Variants in SYNRG observed in about 807,000 individuals in gnomAD.
SYNRG encodes the protein AP1 gamma subunit binding protein 1.
Under a neutral mutation model 130.9 loss-of-function variants are expected in SYNRG, and 37 were observed. The ratio of observed to expected loss-of-function variants is 0.28; its 90% CI spans 0.22 to 0.37. SYNRG has a LOEUF of 0.37. Among genes scored for constraint, SYNRG ranks in the 10% least tolerant of loss-of-function variants. SYNRG has a pLI of 1.00. For synonymous variants in SYNRG, 539 were observed against 568.1 expected, an observed-to-expected ratio of 0.95 and a Z score of 0.73; for missense variants, 1,338 against 1,588.9, an observed-to-expected ratio of 0.84 and a Z score of 2.68.
At chr17:37,537,982 C>T (rs1038204899) in intron 18 of SYNRG, among the ~76,000 whole-genome samples, 2 of 152,008 alleles carry the variant, frequency 1.3e-5, no homozygotes, top group Non-Finnish European at 2.9e-5. Context: ...ATTAAGCGGT[C>T]GAGAGAAAGA....
chr17:37,582,858 A>G (rs2061435808), intron 6 of SYNRG, among the ~76,000 whole-genome samples: 1 of 152,206 alleles, frequency 6.6e-6, no homozygotes, highest in East Asian at 1.9e-4. Flanking sequence ...CTGTCTCAAA[A>G]AAAAAGTTAT....
At chr17:37,544,023 C>T (rs1332794487) in intron 14 of SYNRG, among the ~76,000 whole-genome samples, 5 of 152,236 alleles carry the variant, frequency 3.3e-5, no homozygotes, top group Non-Finnish European at 5.9e-5. Flanking sequence ...TCATTCTTCT[C>T]TTTCATTCAC....
intron 11 of SYNRG, among the ~76,000 whole-genome samples, chr17:37,565,919 G>T (rs1432138726): frequency 1.4e-5 from 2 of 146,844 alleles, no homozygotes; most frequent in African/African-American, 2.7e-5. Flanking sequence ...AGGTGGGGGG[G>T]TCAGCCCCCT....
chr17:37,543,275 G>A (rs974903870), intron 14 of SYNRG, among the ~76,000 whole-genome samples: 3 of 152,012 alleles, frequency 2.0e-5, no homozygotes, highest in African/African-American at 2.4e-5. Context: ...TCTGGGTCCT[G>A]TTGGGCTCCA....
chr17:37,545,308 A>ACTCC (rs2058183034), intron 14 of SYNRG, among the ~76,000 whole-genome samples: 1 of 152,110 alleles, frequency 6.6e-6, no homozygotes, highest in African/African-American at 2.4e-5. Flanking sequence ...AGGCAGGAGA[A>ACTCC]TCGCTTGAAT....
At chr17:37,579,318 A>G in intron 6 of SYNRG, 2 of 1,304,284 alleles carry the variant, frequency 1.5e-6, no homozygotes, top group Non-Finnish European at 2.0e-6. Context: ...GACGTGGAAG[A>G]AGGCCCACAT....
intron 20 of SYNRG, 83 bp downstream of exon 20, chr17:37,520,455 T>G (rs1373052148): frequency 1.3e-5 from 17 of 1,342,240 alleles, no homozygotes; most frequent in African/African-American, 8.6e-5. Flanking sequence ...TCACAAACTC[T>G]GCAGTAAAGT....
chr17:37,546,583 A>G (rs1479901391), intron 14 of SYNRG, among the ~76,000 whole-genome samples: 12 of 152,234 alleles, frequency 7.9e-5, no homozygotes, highest in Admixed American at 7.9e-4. Flanking sequence ...TCTTTTGAAT[A>G]GATGTTGTAC....
At chr17:37,551,304 C>T (rs1185861476) in intron 14 of SYNRG, among the ~76,000 whole-genome samples, 1 of 152,166 alleles carries the variant, frequency 6.6e-6, no homozygotes, top group African/African-American at 2.4e-5. Context: ...AGCAATATAG[C>T]GCATTGGTCA....
intron 6 of SYNRG, chr17:37,579,067 T>A: frequency 9.5e-7 from 1 of 1,058,000 alleles, no homozygotes; most frequent in Non-Finnish European, 1.2e-6. Context: ...ATTCTACTTA[T>A]ATAACAGAAA....
intron 15 of SYNRG, chr17:37,540,871 G>T: frequency 1.0e-6 from 1 of 1,000,958 alleles, no homozygotes; most frequent in Non-Finnish European, 1.2e-6. Context: ...CTGATCTCAA[G>T]TTATCTGCCT....
intron 3 of SYNRG, among the ~76,000 whole-genome samples, chr17:37,595,996 C>G (rs1444771056): frequency 6.6e-6 from 1 of 152,228 alleles, no homozygotes; most frequent in East Asian, 1.9e-4. Flanking sequence ...CTCAAGTGAT[C>G]TGCCCGCCTT....
chr17:37,580,975 A>G (rs1322467468), intron 6 of SYNRG, among the ~76,000 whole-genome samples: 1 of 152,130 alleles, frequency 6.6e-6, no homozygotes, highest in African/African-American at 2.4e-5. Context: ...TGGCCAAGAC[A>G]AGAACATTAA....
At chr17:37,607,617 C>G (rs1281455069) in intron 1 of SYNRG, among the ~76,000 whole-genome samples, 1 of 152,230 alleles carries the variant, frequency 6.6e-6, no homozygotes, top group East Asian at 1.9e-4. Context: ...GGTGAAACCC[C>G]GTCTCTACTA....
At chr17:37,561,160 A>T in intron 13 of SYNRG, 35 bp downstream of exon 13, 1 of 1,569,054 alleles carries the variant, frequency 6.4e-7, no homozygotes, top group Admixed American at 1.8e-5. Context: ...TTAAAAATGG[A>T]AATAATTTAT....
At chr17:37,581,767 T>C (rs1187582081) in intron 6 of SYNRG, among the ~76,000 whole-genome samples, 5 of 145,238 alleles carry the variant, frequency 3.4e-5, no homozygotes, top group Non-Finnish European at 7.6e-5. Context: ...TTTTTTTTCT[T>C]TTTTTTTTTT....
At chr17:37,544,992 G>A (rs1274502746) in intron 14 of SYNRG, among the ~76,000 whole-genome samples, 7 of 151,980 alleles carry the variant, frequency 4.6e-5, no homozygotes, top group African/African-American at 1.2e-4. Flanking sequence ...GGCTGGGGCA[G>A]GTGGATCACC....
intron 6 of SYNRG, among the ~76,000 whole-genome samples, chr17:37,583,948 G>A (rs535345073): frequency 6.6e-6 from 1 of 152,168 alleles, no homozygotes; most frequent in Non-Finnish European, 1.5e-5. Flanking sequence ...CACCTGCCTC[G>A]GCCTCCCAAA....
chr17:37,575,283 TAAAA>T (rs568499449), intron 8 of SYNRG, among the ~76,000 whole-genome samples: 13 of 152,052 alleles, frequency 8.5e-5, no homozygotes, highest in Admixed American at 1.3e-4. Flanking sequence ...ATTGTACACT[TAAAA>T]TAACTTACAG....
Sources: allele counts gnomAD v4.1 joint callset (sites outside exome capture counted in the v4.1 genomes callset), GRCh38; gene constraint gnomAD v4.1.1; transcripts MANE v1.5; gene names NCBI Gene and HGNC (gene_info 2026-07-23, HGNC 2026-07-21).